DSC3: variants seen among roughly 807,000 people sequenced by gnomAD.
DSC3 encodes desmocollin-3.
A neutral mutation model predicts 89.5 loss-of-function variants in DSC3; 97 were observed. That is an observed-to-expected ratio of 1.08 (90% CI 0.92 to 1.28). The LOEUF (loss-of-function observed/expected upper bound fraction) is 1.28. Ranked by LOEUF, DSC3 falls within the 50% of genes most tolerant of loss-of-function variation. The probability of loss-of-function intolerance (pLI) is 0.00; values close to 1 mark genes in which losing one functional copy is unlikely to be tolerated. For synonymous variants in DSC3, 436 were observed against 384.1 expected (o/e 1.14, Z -1.58); for missense variants, 1,199 against 1,085.3 (o/e 1.10, Z -1.47).
chr18:31,004,696 T>C (rs1984779581), intron 12 of DSC3, among the ~76,000 whole-genome samples: 1 of 151,232 alleles, frequency 6.6e-6, no homozygotes. Context: ...AGTACCAATG[T>C]ATCTACAGGT....
intron 1 of DSC3, among the ~76,000 whole-genome samples, chr18:31,033,865 C>T (rs1431931518): frequency 6.6e-6 from 1 of 152,166 alleles, no homozygotes; most frequent in Non-Finnish European, 1.5e-5. Context: ...GCTCTGTCGC[C>T]CAGTCTGGAG....
intron 14 of DSC3, among the ~76,000 whole-genome samples, chr18:31,001,089 G>GTGTGTGTATATATATATATATATA (rs141615987): frequency 4.8e-5 from 6 of 126,032 alleles, no homozygotes; most frequent in Admixed American, 7.9e-5. Context: ...TTGTGTGTGT[G>GTGTGTGTATATATATATATATATA]TATATATATA....
chr18:31,033,385 A>G (rs1173291755), intron 1 of DSC3, among the ~76,000 whole-genome samples: 1 of 152,212 alleles, frequency 6.6e-6, no homozygotes, highest in African/African-American at 2.4e-5. Context: ...TACAATAATC[A>G]AAACAGAGTG....
At chr18:31,004,876 C>A (rs1438283938) in intron 12 of DSC3, among the ~76,000 whole-genome samples, 1 of 152,138 alleles carries the variant, frequency 6.6e-6, no homozygotes, top group Non-Finnish European at 1.5e-5. Context: ...GTCACTCAGG[C>A]TACTTATAAG....
chr18:31,039,686 A>T (rs1165676796), intron 1 of DSC3, among the ~76,000 whole-genome samples: 1 of 152,148 alleles, frequency 6.6e-6, no homozygotes, highest in East Asian at 1.9e-4. Flanking sequence ...ACAGGTCACC[A>T]CAGATACCAT....
intron 3 of DSC3, 38 bp downstream of exon 3, chr18:31,030,935 G>A (rs1567960864): frequency 6.4e-6 from 10 of 1,569,726 alleles, no homozygotes; most frequent in Admixed American, 1.7e-5. Context: ...GTATTTTAAT[G>A]AAAAAATGAC....
At chr18:31,036,446 T>C (rs1368292766) in intron 1 of DSC3, among the ~76,000 whole-genome samples, 4 of 152,308 alleles carry the variant, frequency 2.6e-5, no homozygotes, top group South Asian at 4.1e-4. Context: ...TAACTTTTAT[T>C]ATGAAATCTT....
chr18:31,029,245 A>G (rs886377074), intron 4 of DSC3, among the ~76,000 whole-genome samples: 1 of 152,178 alleles, frequency 6.6e-6, no homozygotes, highest in African/African-American at 2.4e-5. Flanking sequence ...TACTTAGAGC[A>G]GTACCTCCCG....
chr18:31,019,088 T>C (rs1408092664), intron 7 of DSC3, among the ~76,000 whole-genome samples: 1 of 152,002 alleles, frequency 6.6e-6, no homozygotes, highest in Non-Finnish European at 1.5e-5. Flanking sequence ...AAAATAAGAA[T>C]ATTTGAGTTT....
intron 9 of DSC3, among the ~76,000 whole-genome samples, chr18:31,016,063 T>G (rs1416415824): frequency 1.3e-5 from 2 of 152,138 alleles, no homozygotes; most frequent in Non-Finnish European, 2.9e-5. Flanking sequence ...GGTTTACAAA[T>G]GCCACGGTAA....
chr18:31,018,908 TTC>T, intron 7 of DSC3, 108 bp from the exon 8 acceptor site: 1 of 894,474 alleles, frequency 1.1e-6, no homozygotes, highest in Non-Finnish European at 1.7e-6. Flanking sequence ...ATCTGTGTGT[TTC>T]CGTGCTTTTA....
At chr18:31,037,525 A>T (rs1467397155) in intron 1 of DSC3, among the ~76,000 whole-genome samples, 1 of 152,198 alleles carries the variant, frequency 6.6e-6, no homozygotes, top group Admixed American at 6.5e-5. Flanking sequence ...CAGTTTTGCC[A>T]TTAATTATGA....
At chr18:31,011,115 G>A (rs1374957958) in intron 9 of DSC3, among the ~76,000 whole-genome samples, 1 of 152,178 alleles carries the variant, frequency 6.6e-6, no homozygotes, top group Non-Finnish European at 1.5e-5. Context: ...TATAGTTAGA[G>A]TCAAAGAGCT....
intron 6 of DSC3, among the ~76,000 whole-genome samples, chr18:31,023,992 G>T (rs149778193): frequency 6.6e-6 from 1 of 152,092 alleles, no homozygotes; most frequent in South Asian, 2.1e-4. Flanking sequence ...AAACTATACC[G>T]ATTTTAGTTT....
rs377428420 is a variant in DSC3 at position 31,023,015 on chromosome 18, G to A, written c.776-513C>T. 9.3e-4 allele frequency among the ~76,000 whole-genome samples: 142 copies of A among 152,158 alleles called. 1 individual carries two copies. The highest frequency in any genetic ancestry group is 3.3e-3 in the African/African-American group (136 of 41,516). ...CTGATTTGATTTGTTTTAATAAACC[G>A]GTTTAGTATCACAGCCTTAACTGGT... On this transcript the variant is annotated intron_variant, in intron 6 of 15. Transcript: ENST00000360428.
rs1567964377 is a variant in DSC3, at chr18:31,041,001, T to TA, written c.69+1590_69+1591insT. ...TTAACCTAAACTCAACGGAATTATTTTAAAAAAAAAAAATCTTAAACGAGT... is the reference window on the plus strand; with the variant it reads ...TTAACCTAAACTCAACGGAATTATTTATAAAAAAAAAAAATCTTAAACGAGT... On this transcript the variant is annotated intron_variant, in intron 1 of 15. Coordinates refer to ENST00000360428, the MANE Select transcript of DSC3 (RefSeq NM_001941.5). 7.7e-3 allele frequency among the ~76,000 whole-genome samples: 1,165 copies of TA among 151,082 alleles called. 6 individuals carry two copies. The highest frequency in any genetic ancestry group is 0.041 in the Middle Eastern group (12 of 292).
At chr18:31,042,476 T>C in intron 1 of DSC3, 116 bp downstream of exon 1, 1 of 1,072,896 alleles carries the variant, frequency 9.3e-7, no homozygotes, top group South Asian at 1.4e-5. Flanking sequence ...ACCCGCAGCA[T>C]TGATCTGAGC....
intron 15 of DSC3, among the ~76,000 whole-genome samples, chr18:30,995,971 TAA>T (rs1196444633): frequency 1.4e-3 from 52 of 36,998 alleles, no homozygotes; most frequent in Admixed American, 3.2e-3. Flanking sequence ...GACCCTGCCT[TAA>T]AAAAAAAAAA....
At chr18:30,997,460 A>T (rs1405291969) in intron 14 of DSC3, among the ~76,000 whole-genome samples, 1 of 152,144 alleles carries the variant, frequency 6.6e-6, no homozygotes, top group Non-Finnish European at 1.5e-5. Context: ...TAATAAACCC[A>T]TTCTCATGAT....
Sources: allele counts gnomAD v4.1 joint callset (sites outside exome capture counted in the v4.1 genomes callset), GRCh38; gene constraint gnomAD v4.1.1; transcripts MANE v1.5; gene names NCBI Gene and HGNC (gene_info 2026-07-23, HGNC 2026-07-21).